Variants in SUMF1 observed in about 807,000 individuals in gnomAD.
SUMF1 encodes the protein formylglycine-generating enzyme.
SUMF1 carries 48 observed loss-of-function variants against 47.6 expected under a neutral mutation model. The observed-to-expected ratio is 1.01, with a 90% CI of 0.80 to 1.28. The LOEUF is 1.28. Ranked by LOEUF, SUMF1 falls within the 50% of genes most tolerant of loss-of-function variation. The probability of loss-of-function intolerance (pLI) is 0.00; values close to 1 mark genes in which losing one functional copy is unlikely to be tolerated. For synonymous variants in SUMF1, 230 were observed against 192.1 expected (o/e 1.20, Z -1.63); for missense variants, 571 against 485.4 (o/e 1.18, Z -1.66).
intron 7 of SUMF1, among the ~76,000 whole-genome samples, chr3:4,380,449 C>T (rs1034819686): frequency 1.3e-5 from 2 of 152,036 alleles, no homozygotes; most frequent in Admixed American, 6.6e-5. Flanking sequence ...GAGAAGGATG[C>T]GGACTGAAAA....
At chr3:4,073,813 A>G (rs556489750) in intron 8 of SUMF1, among the ~76,000 whole-genome samples, 1 of 152,324 alleles carries the variant, frequency 6.6e-6, no homozygotes, top group East Asian at 1.9e-4. Flanking sequence ...CATGCACCCA[A>G]TACAGGAGCA....
chr3:4,157,733 G>A (rs1694487465), intron 8 of SUMF1, among the ~76,000 whole-genome samples: 1 of 151,398 alleles, frequency 6.6e-6, no homozygotes, highest in Non-Finnish European at 1.5e-5. Flanking sequence ...AGGCAATTAA[G>A]ACTTTAAGTT....
At chr3:4,095,925 T>A (rs1013839627) in intron 8 of SUMF1, among the ~76,000 whole-genome samples, 2 of 152,128 alleles carry the variant, frequency 1.3e-5, no homozygotes, top group South Asian at 4.2e-4. Flanking sequence ...CAGACACATT[T>A]TTTTTCTAAT....
intron 3 of SUMF1, among the ~76,000 whole-genome samples, chr3:4,421,389 G>A (rs572664898): frequency 1.3e-5 from 2 of 152,264 alleles, no homozygotes; most frequent in South Asian, 4.1e-4. Context: ...TCAGTAAAGG[G>A]AACCAGTCTC....
intron 8 of SUMF1, among the ~76,000 whole-genome samples, chr3:4,308,554 C>A (rs541660695): frequency 2.8e-4 from 43 of 152,298 alleles, no homozygotes; most frequent in African/African-American, 9.6e-4. Context: ...TTCATGATAG[C>A]CACCCCAAAT....
chr3:4,150,952 C>A (rs745689245), intron 8 of SUMF1, among the ~76,000 whole-genome samples: 2 of 151,448 alleles, frequency 1.3e-5, no homozygotes, highest in Non-Finnish European at 2.9e-5. Flanking sequence ...CTGCTCTCTT[C>A]GAAAGTGACA....
Position 4,296,524 on chromosome 3 carries a change from G to C in SUMF1, c.1014+79806C>G, listed in dbSNP as rs111463900. Among the ~76,000 whole-genome samples the C allele has an allele frequency of 1.5e-3, 222 of 152,242 alleles. 1 individual carries two copies. Among genetic ancestry groups the C allele is most frequent in the African/African-American group, 5.0e-3 (208 of 41,546 alleles). On this transcript the variant is annotated intron_variant and NMD_transcript_variant, in intron 8 of 12. Transcript: ENST00000448413. ...GGTGGAAGGTGAAGGAGGAGCAAAG[G>C]TACATCTTACCTGGCAGCAGGCAAG...
intron 8 of SUMF1, among the ~76,000 whole-genome samples, chr3:4,149,754 C>T (rs537707888): frequency 6.6e-6 from 1 of 152,258 alleles, no homozygotes; most frequent in African/African-American, 2.4e-5. Flanking sequence ...TAGTTTCCTA[C>T]ACATGGGCTT....
chr3:4,168,532 G>C (rs1361145322), intron 8 of SUMF1, among the ~76,000 whole-genome samples: 1 of 152,038 alleles, frequency 6.6e-6, no homozygotes, highest in African/African-American at 2.4e-5. Flanking sequence ...TTGCAGAGTG[G>C]GATAAAATTA....
At chr3:4,190,618 CA>C (rs1695294507) in intron 8 of SUMF1, among the ~76,000 whole-genome samples, 1 of 152,072 alleles carries the variant, frequency 6.6e-6, no homozygotes, top group South Asian at 2.1e-4. Flanking sequence ...TTCATCTTGA[CA>C]ACCCTGAGAA....
chr3:4,191,218 G>A (rs1186109967), intron 8 of SUMF1, among the ~76,000 whole-genome samples: 1 of 152,096 alleles, frequency 6.6e-6, no homozygotes, highest in African/African-American at 2.4e-5. Context: ...TGGATTTTAT[G>A]TTCATTTAGA....
intron 3 of SUMF1, among the ~76,000 whole-genome samples, chr3:4,440,590 A>G (rs2125099287): frequency 6.6e-6 from 1 of 152,340 alleles, no homozygotes. Flanking sequence ...GTCCCAGTCC[A>G]GTGTCATCCA....
chr3:4,386,069 C>T (rs1700663486), intron 7 of SUMF1, among the ~76,000 whole-genome samples: 1 of 152,030 alleles, frequency 6.6e-6, no homozygotes, highest in South Asian at 2.1e-4. Flanking sequence ...TAGATTGGTT[C>T]CTCTCACATT....
At chr3:4,096,233 C>A (rs577416879) in intron 8 of SUMF1, among the ~76,000 whole-genome samples, 1 of 152,116 alleles carries the variant, frequency 6.6e-6, no homozygotes, top group Non-Finnish European at 1.5e-5. Flanking sequence ...CCAACTCAGT[C>A]GGTCATCATG....
chr3:4,205,737 C>T (rs1265107723), intron 8 of SUMF1, among the ~76,000 whole-genome samples: 1 of 152,120 alleles, frequency 6.6e-6, no homozygotes, highest in Non-Finnish European at 1.5e-5. Flanking sequence ...CCCTAGATTA[C>T]CAGGCAGAGT....
At chr3:4,225,688 G>C (rs1466210007) in intron 8 of SUMF1, among the ~76,000 whole-genome samples, 1 of 152,138 alleles carries the variant, frequency 6.6e-6, no homozygotes, top group East Asian at 1.9e-4. Context: ...ATCATGAGCA[G>C]AGAGTAGAAG....
intron 8 of SUMF1, among the ~76,000 whole-genome samples, chr3:4,123,201 AGCATCTT>A (rs573931245): frequency 6.6e-6 from 1 of 152,214 alleles, no homozygotes; most frequent in South Asian, 2.1e-4. Context: ...TGGTCAAGGA[AGCATCTT>A]TGAAGGAGTA....
intron 8 of SUMF1, among the ~76,000 whole-genome samples, chr3:4,253,077 T>C (rs760205326): frequency 6.6e-6 from 1 of 152,220 alleles, no homozygotes; most frequent in African/African-American, 2.4e-5. Context: ...CTATATGTTA[T>C]ATGTACAACA....
At chr3:4,303,559 G>T in intron 8 of SUMF1, 1 of 1,339,538 alleles carries the variant, frequency 7.5e-7, no homozygotes, top group Non-Finnish European at 9.5e-7. Context: ...CGGGAGGCGG[G>T]CGCGCGGCTC....
Sources: gnomAD v4.1 joint callset for allele counts (sites outside exome capture counted in the v4.1 genomes callset) on GRCh38, gnomAD v4.1.1 for gene constraint, MANE v1.5 for transcripts, NCBI Gene and HGNC (gene_info 2026-07-23, HGNC 2026-07-21) for gene names.